The following ARHGAP44 variants were observed in gnomAD, a reference collection of about 807,000 sequenced individuals.
The protein encoded by ARHGAP44 is rho GTPase-activating protein 44.
Under a neutral mutation model 106.8 loss-of-function variants are expected in ARHGAP44, and 43 were observed. The ratio of observed to expected loss-of-function variants is 0.40; its 90% CI spans 0.32 to 0.52. The LOEUF is 0.52. Among genes scored for constraint, ARHGAP44 ranks in the 20% least tolerant of loss-of-function variants. ARHGAP44 has a pLI of 0.48. For missense variants in ARHGAP44, 866 were observed against 1,050.5 expected (o/e 0.82, Z 2.43); for synonymous variants, 439 against 410.3 (o/e 1.07, Z -0.85).
intron 17 of ARHGAP44, chr17:12,973,757 C>G (rs574332692): frequency 1.9e-6 from 1 of 521,424 alleles, no homozygotes; most frequent in Admixed American, 3.6e-5. Context: ...AGTTTACACC[C>G]AGGGAGCTTG....
Position 12,984,674 on chromosome 17 carries a change from C to T in ARHGAP44, c.2083C>T (p.Pro695Ser), listed in dbSNP as rs374214567. 9 of 1,613,382 alleles carry T rather than the reference C, an allele frequency of 5.6e-6. No homozygotes were observed. Among genetic ancestry groups the T allele is most frequent in the African/African-American group, 2.7e-5 (2 of 75,028 alleles). ...CCCGTCACCCTATGGACTGAGCTACCCTCAGGGGTACTCCTTGGCCTCGGG... is the reference window on the plus strand; with the variant it reads ...CCCGTCACCCTATGGACTGAGCTACTCTCAGGGGTACTCCTTGGCCTCGGG... ...STPSPYGLSY[P>S]QGYSLASGQL... Residue 695 changes from proline (P) to serine (S), a missense_variant, in exon 20 of 21, where the codon CCT (proline) becomes TCT (serine). Pro to Ser is a moderately conservative substitution (Grantham distance 74). Coordinates refer to ENST00000379672, the MANE Select transcript of ARHGAP44 (RefSeq NM_014859.6).
chr17:12,811,040 C>T (rs950764008), intron 1 of ARHGAP44, among the ~76,000 whole-genome samples: 2 of 152,042 alleles, frequency 1.3e-5, no homozygotes, highest in East Asian at 1.9e-4. Context: ...TGGCCGGGTG[C>T]GGTGGCTCAA....
intron 1 of ARHGAP44, among the ~76,000 whole-genome samples, chr17:12,892,363 T>G (rs1373455857): frequency 2.1e-5 from 3 of 143,200 alleles, no homozygotes; most frequent in Admixed American, 2.0e-4. Flanking sequence ...CACCTTGGTT[T>G]CAAGATTTGT....
At chr17:12,832,430 G>A (rs2035118005) in intron 1 of ARHGAP44, among the ~76,000 whole-genome samples, 1 of 152,070 alleles carries the variant, frequency 6.6e-6, no homozygotes, top group South Asian at 2.1e-4. Context: ...TATAATACTA[G>A]TATTATCTGT....
rs551445535 is a variant in ARHGAP44 at position 12,824,418 on chromosome 17, A to G, written c.53+34527A>G. On this transcript the variant is annotated intron_variant, in intron 1 of 20. Coordinates refer to ENST00000379672, the MANE Select transcript of ARHGAP44 (RefSeq NM_014859.6). Reference sequence around the variant, plus strand: ...GGTTAATGTCCAGGAAAGAAGTTCTAGGGGCTGGGTCTAGGGTGTTGTATC... The same window carrying G: ...GGTTAATGTCCAGGAAAGAAGTTCTGGGGGCTGGGTCTAGGGTGTTGTATC... 9.2e-5 allele frequency among the ~76,000 whole-genome samples: 14 copies of G among 152,222 alleles called. No homozygotes were observed. The South Asian group carries it at 1.5e-3, about 16-fold the overall frequency.
rs368805662 is a variant in ARHGAP44, at chr17:12,984,613, G to A, written c.2022G>A (p.Pro674=). 3.4e-5 allele frequency: 54 copies of A among 1,609,940 alleles called. No homozygotes were observed. The highest frequency in any genetic ancestry group is 1.7e-4 in the Middle Eastern group (1 of 6,054). The change falls in exon 20 of 21, where the codon CCG becomes CCA. Residue 674 remains proline, a synonymous_variant. Transcript: ENST00000379672. ...TGGCAGACCAGTCCGCTGGCCAGCCGTCCCCAGTCAGCCTGTCCCCCACCC... is the reference window on the plus strand; with the variant it reads ...TGGCAGACCAGTCCGCTGGCCAGCCATCCCCAGTCAGCCTGTCCCCCACCC... ...GAMADQSAGQ[P]SPVSLSPTPP... is the part of the protein sequence containing the mutation.
intron 16 of ARHGAP44, among the ~76,000 whole-genome samples, chr17:12,968,959 T>C (rs888420903): frequency 2.0e-5 from 3 of 151,920 alleles, no homozygotes; most frequent in Non-Finnish European, 4.4e-5. Flanking sequence ...TTAGTAGAGA[T>C]GGGGTTTCAC....
intron 7 of ARHGAP44, among the ~76,000 whole-genome samples, chr17:12,931,677 T>A (rs1468748594): frequency 1.3e-5 from 2 of 152,076 alleles, no homozygotes; most frequent in East Asian, 3.9e-4. Flanking sequence ...TTTTGTATTT[T>A]TTTAGTAGAG....
Position 12,880,225 on chromosome 17 carries a change from G to A in ARHGAP44, c.54-14715G>A, listed in dbSNP as rs981064774. On this transcript the variant is annotated intron_variant, in intron 1 of 20. Coordinates refer to ENST00000379672, the MANE Select transcript of ARHGAP44 (RefSeq NM_014859.6). ...TTTGATGCATAGATTCCATATGCTC[G>A]TATATATATTATGAAACAATGTTAA... Among the ~76,000 whole-genome samples, 6 of 151,944 alleles carry A rather than the reference G, an allele frequency of 3.9e-5. No individual in the cohort carries two copies. The East Asian group carries it at 5.8e-4, about 15-fold the overall frequency.
At chr17:12,841,633 C>CAAAAAA (rs564355904) in intron 1 of ARHGAP44, among the ~76,000 whole-genome samples, 47 of 102,772 alleles carry the variant, frequency 4.6e-4, no homozygotes, top group African/African-American at 1.8e-3. Context: ...CACACACACA[C>CAAAAAA]ACACACAAAC....
At chr17:12,947,200 G>GC (rs2038873431) in intron 10 of ARHGAP44, among the ~76,000 whole-genome samples, 1 of 151,976 alleles carries the variant, frequency 6.6e-6, no homozygotes, top group South Asian at 2.1e-4. Flanking sequence ...GTGTTGCTTC[G>GC]CCCCTGTCAC....
intron 4 of ARHGAP44, among the ~76,000 whole-genome samples, chr17:12,913,672 G>T (rs894369658): frequency 2.5e-5 from 3 of 117,804 alleles, no homozygotes; most frequent in African/African-American, 1.0e-4. Flanking sequence ...CTAACACTTT[G>T]GGAGGCCGAG....
At chr17:12,934,447 G>GATT (rs1236122192) in intron 7 of ARHGAP44, among the ~76,000 whole-genome samples, 1 of 152,178 alleles carries the variant, frequency 6.6e-6, no homozygotes, top group Non-Finnish European at 1.5e-5. Context: ...GGAAGTAAAT[G>GATT]AGATGCTGGA....
chr17:12,949,264 C>G lies in ARHGAP44; in HGVS notation c.973+13C>G. The G allele has an allele frequency of 6.4e-7, 1 of 1,551,172 alleles. No homozygotes were observed. Among genetic ancestry groups the G allele is most frequent in the Non-Finnish European group, 8.7e-7 (1 of 1,147,068 alleles). ...CACGCAATTGCAGGTGGGCACCTCT[C>G]AGCGCTCCTGTGTGCCATGGAGGCT... On this transcript the variant is annotated intron_variant, in intron 11 of 20. Transcript: ENST00000379672. The surrounding 1 kb of genome is among the most constrained non-coding windows in gnomAD (Gnocchi z 4.1).
intron 4 of ARHGAP44, among the ~76,000 whole-genome samples, chr17:12,911,148 T>C (rs1009205491): frequency 6.6e-5 from 10 of 151,756 alleles, no homozygotes; most frequent in African/African-American, 2.4e-4. Context: ...GTAAATGGAA[T>C]AAACTCAACT....
intron 7 of ARHGAP44, among the ~76,000 whole-genome samples, chr17:12,938,956 T>G (rs1048184997): frequency 3.3e-5 from 5 of 152,184 alleles, no homozygotes; most frequent in Admixed American, 2.6e-4. Context: ...TGAAGGTGTA[T>G]TTGATGCAAC....
chr17:12,976,612 C>CAAA (rs59099893), intron 18 of ARHGAP44, among the ~76,000 whole-genome samples: 16,615 of 84,546 alleles, frequency 0.2, 1,373 homozygotes, highest in Non-Finnish European at 0.23. Flanking sequence ...GACTCTGTGT[C>CAAA]AAAAAAAAAA....
chr17:12,817,589 T>G (rs1253549530), intron 1 of ARHGAP44, among the ~76,000 whole-genome samples: 1 of 151,950 alleles, frequency 6.6e-6, no homozygotes, highest in East Asian at 1.9e-4. Flanking sequence ...AAACAAAAGC[T>G]GATGTTTTGA....
intron 1 of ARHGAP44, among the ~76,000 whole-genome samples, chr17:12,821,821 A>T (rs559649325): frequency 6.6e-6 from 1 of 152,310 alleles, no homozygotes; most frequent in African/African-American, 2.4e-5. Flanking sequence ...ACAACATCTC[A>T]GCTTTGTATT....
Sources: gnomAD v4.1 joint callset for allele counts (sites outside exome capture counted in the v4.1 genomes callset) on GRCh38, gnomAD v4.1.1 for gene constraint, Gnocchi (gnomAD v3.1) non-coding constraint, MANE v1.5 for transcripts, NCBI Gene and HGNC (gene_info 2026-07-23, HGNC 2026-07-21) for gene names.